AGBL3: variants seen among roughly 807,000 people sequenced by gnomAD.
AGBL3 encodes the protein cytosolic carboxypeptidase 3.
Under a neutral mutation model 94.5 loss-of-function variants are expected in AGBL3, and 68 were observed. That is an observed-to-expected ratio of 0.72 (90% CI 0.59 to 0.88). AGBL3 has a LOEUF of 0.88. Ranked by LOEUF, AGBL3 falls within the 40% of genes least tolerant of loss-of-function variation. The pLI, the probability that AGBL3 is intolerant of heterozygous loss-of-function variation, is 0.00. For synonymous variants in AGBL3, 354 were observed against 370.7 expected (o/e 0.95, Z 0.52); for missense variants, 934 against 1,103.8 (o/e 0.85, Z 2.18).
intron 16 of AGBL3, among the ~76,000 whole-genome samples, chr7:135,131,782 A>G (rs1008636256): frequency 1.3e-5 from 2 of 152,076 alleles, no homozygotes; most frequent in African/African-American, 4.8e-5. Context: ...CAGATCAATA[A>G]AATTGACAAA....
At chr7:135,112,721 A>C (rs1399870037) in intron 15 of AGBL3, among the ~76,000 whole-genome samples, 1 of 152,214 alleles carries the variant, frequency 6.6e-6, no homozygotes, top group African/African-American at 2.4e-5. Flanking sequence ...TGTTTTTCAC[A>C]TCTATTTACC....
chr7:135,051,057 G>C (rs1345743510), intron 11 of AGBL3: 3 of 440,516 alleles, frequency 6.8e-6, no homozygotes, highest in South Asian at 1.6e-5. Flanking sequence ...CACAAAAGCA[G>C]TATAATAAAA....
intron 15 of AGBL3, among the ~76,000 whole-genome samples, chr7:135,113,816 T>TC (rs760496276): frequency 1.3e-5 from 2 of 152,036 alleles, no homozygotes; most frequent in Non-Finnish European, 2.9e-5. Context: ...CAATTCTCCC[T>TC]CCCCCCAGCA....
chr7:135,034,978 T>G (rs1037394071), intron 7 of AGBL3, 50 bp downstream of exon 7: 20 of 1,418,144 alleles, frequency 1.4e-5, no homozygotes, highest in Non-Finnish European at 3.7e-6. Context: ...AACTTGGTAG[T>G]AACAATTTTG....
intron 5 of AGBL3, among the ~76,000 whole-genome samples, chr7:135,030,551 G>T (rs532529191): frequency 2.0e-5 from 3 of 152,190 alleles, no homozygotes; most frequent in South Asian, 2.1e-4. Context: ...CCTAGATTTG[G>T]TTATCTTAAT....
chr7:135,088,239 A>T (rs1821488653), intron 15 of AGBL3, among the ~76,000 whole-genome samples: 1 of 152,066 alleles, frequency 6.6e-6, no homozygotes. Context: ...GGCAGCATAT[A>T]GTTGGTTTTT....
intron 16 of AGBL3, among the ~76,000 whole-genome samples, chr7:135,121,662 C>G (rs1033018491): frequency 6.6e-6 from 1 of 151,922 alleles, no homozygotes; most frequent in Non-Finnish European, 1.5e-5. Flanking sequence ...CTAGAAACAG[C>G]GGCATTCGGA....
rs182786737 is a variant in AGBL3 at position 135,073,305 on chromosome 7, A to G, written c.1909-3092A>G. ...ACATAGTGAAACCCCGTCTCTACTA[A>G]AAATACAAAAAAAAATTAGCTGGGT... is the stretch of plus-strand genomic sequence containing the variant. On this transcript the variant is annotated intron_variant, in intron 12 of 16. Transcript: ENST00000436302. Among the ~76,000 whole-genome samples, 582 of 152,016 alleles carry G rather than the reference A, an allele frequency of 3.8e-3. 2 individuals carry two copies. The highest frequency in any genetic ancestry group is 0.013 in the African/African-American group (556 of 41,434).
At chr7:135,072,628 G>A (rs955074869) in intron 12 of AGBL3, among the ~76,000 whole-genome samples, 1 of 152,068 alleles carries the variant, frequency 6.6e-6, no homozygotes, top group African/African-American at 2.4e-5. Flanking sequence ...CATGGATGAA[G>A]CTGGAAACCA....
Position 134,988,009 on chromosome 7 carries a change from CAACTT to C in AGBL3, c.63+14_63+18del, listed in dbSNP as rs758862891. ...TGAAGATGAATCGGTATGTTTTTCTCAACTTTATTTTACTTGGAGATAAAATTTGT... is the reference window on the plus strand; with the variant it reads ...TGAAGATGAATCGGTATGTTTTTCTCTATTTTACTTGGAGATAAAATTTGT... On this transcript the variant is annotated intron_variant, in intron 2 of 16. Transcript: ENST00000436302. 27 of 1,525,122 alleles carry C rather than the reference CAACTT, an allele frequency of 1.8e-5. No homozygotes were observed. Among genetic ancestry groups the C allele is most frequent in the Non-Finnish European group, 2.3e-5 (26 of 1,132,572 alleles). The allele number at this position is 1,525,122 out of a possible 1,614,324, so 94.5% of individuals were successfully genotyped here. A position where few individuals can be genotyped will look rare whatever the true frequency, so the allele number is the denominator to read the frequency against.
In AGBL3 at chr7:135,135,358, T is replaced by A; in HGVS notation, c.*97T>A. 2.6e-6 allele frequency: 3 copies of A among 1,150,418 alleles called. No homozygotes were observed. The highest frequency in any genetic ancestry group is 2.3e-6 in the Non-Finnish European group (2 of 858,716). 71.3% of individuals were successfully genotyped at this position (1,150,418 alleles called of 1,614,324 possible). ...GAAAGCCCTCCCCTTCCCCTTTCCC[T>A]ATCTCTCCCCTTACACATGCATATG... On this transcript the variant is annotated 3_prime_UTR_variant, in exon 17 of 17. Coordinates refer to ENST00000436302, the MANE Select transcript of AGBL3 (RefSeq NM_178563.4).
chr7:135,134,955 C>G lies in AGBL3; in HGVS notation c.2457C>G (p.Val819=). 6.4e-7 allele frequency: 1 copy of G among 1,551,158 alleles called. No individual in the cohort carries two copies. The highest frequency in any genetic ancestry group is 8.7e-7 in the Non-Finnish European group (1 of 1,146,674). The change falls in exon 17 of 17, where the codon GTC becomes GTG. Residue 819 remains valine (V), a synonymous_variant. Transcript: ENST00000436302. ...GDVMANSSEW[V]QSKPHRSLES... is the part of the protein sequence containing the mutation. ...TTATGGCAAACTCTTCAGAATGGGT[C>G]CAGTCTAAGCCCCACAGGTCATTGG...
intron 11 of AGBL3, among the ~76,000 whole-genome samples, chr7:135,051,519 T>C (rs1439598242): frequency 6.6e-6 from 1 of 152,106 alleles, no homozygotes; most frequent in African/African-American, 2.4e-5. Flanking sequence ...GCCATTTCTC[T>C]CAGAAGTCCT....
At chr7:135,045,369 G>C in intron 9 of AGBL3, 105 bp from the exon 10 acceptor site, 1 of 883,654 alleles carries the variant, frequency 1.1e-6, no homozygotes, top group Non-Finnish European at 1.8e-6. Flanking sequence ...TAAAGGATAG[G>C]ATATGGAATC....
rs561068406 is a variant in AGBL3, at chr7:135,021,718, A to G, written c.418+4559A>G. Among the ~76,000 whole-genome samples, 20 of 149,904 alleles carry G rather than the reference A, an allele frequency of 1.3e-4. No individual in the cohort carries two copies. The South Asian group carries it at 4.2e-3, about 31-fold the overall frequency. On this transcript the variant is annotated intron_variant, in intron 5 of 16. Transcript: ENST00000436302. ...TGCAGAATGTGCAGGTTTGTTACAC[A>G]GGTATCTGTGTGCCATGGTAGTTTG... is the stretch of plus-strand genomic sequence containing the variant.
intron 5 of AGBL3, among the ~76,000 whole-genome samples, chr7:135,031,925 AG>A (rs1354345003): frequency 1.3e-5 from 2 of 152,182 alleles, no homozygotes; most frequent in Non-Finnish European, 2.9e-5. Flanking sequence ...TCCAAGGACT[AG>A]GAAACCGCTA....
intron 16 of AGBL3, among the ~76,000 whole-genome samples, chr7:135,120,597 C>A (rs1385816048): frequency 6.6e-6 from 1 of 152,066 alleles, no homozygotes; most frequent in Non-Finnish European, 1.5e-5. Flanking sequence ...CCTAAGACAT[C>A]AACTATTACA....
chr7:135,087,334 T>G (rs1169516242), intron 15 of AGBL3, among the ~76,000 whole-genome samples: 2 of 151,982 alleles, frequency 1.3e-5, no homozygotes, highest in African/African-American at 4.8e-5. Flanking sequence ...TTTCATATAC[T>G]CTGTTCTGAT....
chr7:135,067,127 C>A (rs1016502507), intron 12 of AGBL3, among the ~76,000 whole-genome samples: 1 of 152,196 alleles, frequency 6.6e-6, no homozygotes, highest in Non-Finnish European at 1.5e-5. Flanking sequence ...ACCCATGGAG[C>A]CTCGCTCATT....
Sources: allele counts gnomAD v4.1 joint callset (sites outside exome capture counted in the v4.1 genomes callset), GRCh38; gene constraint gnomAD v4.1.1; transcripts MANE v1.5; gene names NCBI Gene and HGNC (gene_info 2026-07-23, HGNC 2026-07-21).